Variants in KDM4C observed in about 807,000 individuals in gnomAD.
KDM4C encodes lysine demethylase 4C.
Under a neutral mutation model 129.3 loss-of-function variants are expected in KDM4C, and 81 were observed. That is an observed-to-expected ratio of 0.63 (90% CI 0.52 to 0.75). KDM4C has a LOEUF of 0.75. KDM4C is among the 30% of genes least tolerant of loss of function. KDM4C has a pLI of 0.00. For missense variants in KDM4C, 1,457 were observed against 1,304.0 expected, an observed-to-expected ratio of 1.12 and a Z score of -1.81; for synonymous variants, 573 against 456.1, an observed-to-expected ratio of 1.26 and a Z score of -3.26.
chr9:6,782,359 A>T (rs764199177), intron 1 of KDM4C, among the ~76,000 whole-genome samples: 10 of 152,204 alleles, frequency 6.6e-5, no homozygotes, highest in African/African-American at 9.6e-5. Flanking sequence ...AGTTATGAGT[A>T]GAATCTCAGA....
intron 5 of KDM4C, among the ~76,000 whole-genome samples, chr9:6,855,067 A>G (rs1466728674): frequency 1.3e-5 from 2 of 152,238 alleles, no homozygotes; most frequent in Admixed American, 6.5e-5. Context: ...ATAGATGTTA[A>G]CGTTTCATAC....
intron 5 of KDM4C, among the ~76,000 whole-genome samples, chr9:6,870,384 C>G (rs1157709134): frequency 6.6e-6 from 1 of 151,766 alleles, no homozygotes; most frequent in Non-Finnish European, 1.5e-5. Context: ...AGATCTTGTA[C>G]TTTGGAGTTA....
chr9:6,738,401 G>A (rs1020277032), intron 1 of KDM4C, among the ~76,000 whole-genome samples: 1 of 152,124 alleles, frequency 6.6e-6, no homozygotes. Context: ...CTTGAACCTG[G>A]GAGGCGAAGG....
At chr9:7,145,703 A>G (rs1022637547) in intron 19 of KDM4C, among the ~76,000 whole-genome samples, 1 of 152,224 alleles carries the variant, frequency 6.6e-6, no homozygotes. Context: ...GAGCCTTCCT[A>G]GTTCTCGATC....
At chr9:7,144,086 A>C (rs988659852) in intron 19 of KDM4C, among the ~76,000 whole-genome samples, 1 of 150,326 alleles carries the variant, frequency 6.7e-6, no homozygotes, top group African/African-American at 2.4e-5. Flanking sequence ...ATGTATACTC[A>C]TTACTCCTCT....
chr9:7,015,813 A>T, intron 14 of KDM4C, 40 bp from the exon 15 acceptor site: 2 of 1,386,400 alleles, frequency 1.4e-6, no homozygotes, highest in South Asian at 1.2e-5. Flanking sequence ...TTTAAAGGTG[A>T]AAAAGACCTA....
At position 6,758,330 on chromosome 9, in the gene KDM4C, G is replaced by A. The variant is rs1235713373; in HGVS notation, c.-18+127G>A. On this transcript the variant is annotated intron_variant, in intron 1 of 21. Transcript: ENST00000381309. This position sits in a 1 kb window ranked among gnomAD's most constrained non-coding sequence, Gnocchi z 4.6. ...CCGGGCGAGCGGCGACGCTGGGGCA[G>A]AGACGCTCCGTCCGTGACTGCAGCG... 1 of 464,774 alleles carries A rather than the reference G, an allele frequency of 2.2e-6. No individual in the cohort carries two copies. Among genetic ancestry groups the A allele is most frequent in the Non-Finnish European group, 2.8e-6 (1 of 353,846 alleles). 28.8% of individuals were successfully genotyped at this position (464,774 alleles called of 1,614,324 possible).
At chr9:6,954,018 A>G (rs541214395) in intron 8 of KDM4C, among the ~76,000 whole-genome samples, 1 of 152,274 alleles carries the variant, frequency 6.6e-6, no homozygotes, top group East Asian at 1.9e-4. Context: ...GGGTCAGCAA[A>G]CCTTGCGCAT....
At chr9:6,892,588 A>G (rs7033325) in intron 7 of KDM4C, among the ~76,000 whole-genome samples, 6,538 of 152,248 alleles carry the variant, frequency 0.043, 232 homozygotes, top group African/African-American at 0.1. Context: ...GCTTAATTGA[A>G]TGTTTTCTAG....
chr9:6,753,868 C>CTTTTTTT (rs869158656), upstream of KDM4C, among the ~76,000 whole-genome samples: 51 of 80,364 alleles, frequency 6.3e-4, no homozygotes, highest in Non-Finnish European at 9.0e-4. Context: ...TCATTGAATT[C>CTTTTTTT]TTTTTTTTTT....
chr9:7,114,052 AT>A (rs576735201), intron 18 of KDM4C, among the ~76,000 whole-genome samples: 111 of 152,316 alleles, frequency 7.3e-4, no homozygotes, highest in Non-Finnish European at 1.4e-3. Context: ...AACATATGAA[AT>A]TGCTGTTTTA....
intron 4 of KDM4C, among the ~76,000 whole-genome samples, chr9:6,817,195 G>C (rs950363999): frequency 0.021 from 1,125 of 53,008 alleles, no homozygotes; most frequent in South Asian, 0.031. Flanking sequence ...CCCTCCCCCT[G>C]CCCCCCCCCC....
intron 5 of KDM4C, among the ~76,000 whole-genome samples, chr9:6,862,585 C>T (rs146937940): frequency 7.8e-4 from 118 of 152,064 alleles, no homozygotes; most frequent in East Asian, 5.6e-3. Flanking sequence ...GGTGGATCAC[C>T]GGAGGTCAGG....
rs1442824689 is a variant in KDM4C, at chr9:6,934,133, G to A, written c.921+40901G>A. Among the ~76,000 whole-genome samples, 3 of 151,532 alleles carry A rather than the reference G, an allele frequency of 2.0e-5. No homozygotes were observed. The East Asian group carries it at 5.9e-4, about 30-fold the overall frequency. On this transcript the variant is annotated intron_variant, in intron 8 of 21. Coordinates refer to ENST00000381309, the MANE Select transcript of KDM4C (RefSeq NM_015061.6). ...CTCCCAAAGTGCTGGGATTACAGGT[G>A]TGAGCCATTGCGCCTGGCCCAGGTC...
At chr9:6,949,558 A>G (rs1216454902) in intron 8 of KDM4C, among the ~76,000 whole-genome samples, 1 of 152,256 alleles carries the variant, frequency 6.6e-6, no homozygotes, top group East Asian at 1.9e-4. Context: ...ACCATTGAGC[A>G]CTGAGTGAAC....
intron 8 of KDM4C, among the ~76,000 whole-genome samples, chr9:6,978,433 G>C (rs1405738623): frequency 1.3e-5 from 2 of 152,066 alleles, no homozygotes; most frequent in African/African-American, 4.8e-5. Context: ...AGTATAGGTG[G>C]GTTTTCTGGT....
At chr9:6,875,553 A>G (rs746707760) in intron 5 of KDM4C, among the ~76,000 whole-genome samples, 2 of 152,196 alleles carry the variant, frequency 1.3e-5, no homozygotes, top group Non-Finnish European at 2.9e-5. Context: ...CAGATGTAAG[A>G]TAAGTATCCC....
chr9:6,832,583 G>A (rs1324536204), intron 4 of KDM4C, among the ~76,000 whole-genome samples: 4 of 149,242 alleles, frequency 2.7e-5, no homozygotes, highest in South Asian at 2.1e-4. Flanking sequence ...CCGCCACCAT[G>A]CCCAGCTAAT....
At chr9:6,848,345 T>G (rs1002028503) in intron 4 of KDM4C, among the ~76,000 whole-genome samples, 2 of 152,192 alleles carry the variant, frequency 1.3e-5, no homozygotes, top group African/African-American at 4.8e-5. Context: ...TTGTAAAAAT[T>G]TCTAAGCAGT....
Sources: allele counts gnomAD v4.1 joint callset (sites outside exome capture counted in the v4.1 genomes callset), GRCh38; gene constraint gnomAD v4.1.1; non-coding constraint Gnocchi (gnomAD v3.1); transcripts MANE v1.5; gene names NCBI Gene and HGNC (gene_info 2026-07-23, HGNC 2026-07-21).